The following SPIDR variants were observed in gnomAD, a reference collection of about 807,000 sequenced individuals.
The protein encoded by SPIDR is DNA repair-scaffolding protein.
In SPIDR, 93 loss-of-function variants were observed where a neutral mutation model predicts 104.6. That is an observed-to-expected ratio of 0.89 (90% CI 0.75 to 1.06). The LOEUF (loss-of-function observed/expected upper bound fraction) is 1.06. Among genes scored for constraint, SPIDR ranks in the 50% least tolerant of loss-of-function variants. The probability of loss-of-function intolerance (pLI) is 0.00; values close to 1 mark genes in which losing one functional copy is unlikely to be tolerated. For missense variants in SPIDR, 1,154 were observed against 1,111.2 expected (o/e 1.04, Z -0.55); for synonymous variants, 431 against 416.9 (o/e 1.03, Z -0.41).
intron 7 of SPIDR, among the ~76,000 whole-genome samples, chr8:47,409,562 C>A (rs545740731): frequency 1.3e-5 from 2 of 152,150 alleles, no homozygotes; most frequent in African/African-American, 4.8e-5. Flanking sequence ...TAATAGGTTC[C>A]CAGGTGGTTT....
intron 8 of SPIDR, among the ~76,000 whole-genome samples, chr8:47,491,181 T>C (rs1741100660): frequency 6.6e-6 from 1 of 152,030 alleles, no homozygotes; most frequent in Admixed American, 6.6e-5. Context: ...CATAAATGGG[T>C]CGTTTAAGTT....
At chr8:47,674,577 T>A (rs2154472803) in intron 11 of SPIDR, among the ~76,000 whole-genome samples, 1 of 152,358 alleles carries the variant, frequency 6.6e-6, no homozygotes, top group East Asian at 1.9e-4. Context: ...AATCTTCTTG[T>A]TACATCTCTT....
chr8:47,623,101 A>C (rs2065412349), intron 10 of SPIDR, among the ~76,000 whole-genome samples: 2 of 152,216 alleles, frequency 1.3e-5, no homozygotes, highest in Admixed American at 1.3e-4. Flanking sequence ...AATTAAAATG[A>C]GGATCATCTC....
chr8:47,605,985 A>G lies in SPIDR; in HGVS notation c.1544+6789A>G, dbSNP rs554959170. Among the ~76,000 whole-genome samples the G allele has an allele frequency of 2.2e-3, 342 of 152,096 alleles. 2 individuals are homozygous for G. The highest frequency in any genetic ancestry group is 8.0e-3 in the African/African-American group (334 of 41,506). ...GATTTTTATTTCTATGCTTTTGGCC[A>G]CCTCATTCCCCACCTCTACCCCTAG... On this transcript the variant is annotated intron_variant, in intron 10 of 19. Coordinates refer to ENST00000297423, the MANE Select transcript of SPIDR (RefSeq NM_001080394.4).
intron 7 of SPIDR, among the ~76,000 whole-genome samples, chr8:47,435,992 A>C (rs2154341425): frequency 6.6e-6 from 1 of 152,324 alleles, no homozygotes; most frequent in Non-Finnish European, 1.5e-5. Flanking sequence ...TCTGCCACAA[A>C]GGGAGATTAA....
chr8:47,285,037 A>T (rs1476247881), intron 3 of SPIDR, among the ~76,000 whole-genome samples: 1 of 152,204 alleles, frequency 6.6e-6, no homozygotes. Flanking sequence ...AAACATTCGC[A>T]GTCTGTTTTG....
intron 2 of SPIDR, 106 bp downstream of exon 2, chr8:47,280,123 G>A (rs2037420017): frequency 1.7e-6 from 2 of 1,192,072 alleles, no homozygotes; most frequent in Non-Finnish European, 2.4e-6. Context: ...TATTCTTTCA[G>A]AACACTGTAA....
intron 8 of SPIDR, among the ~76,000 whole-genome samples, chr8:47,562,954 T>G (rs1483543211): frequency 2.0e-5 from 3 of 152,100 alleles, no homozygotes; most frequent in African/African-American, 4.8e-5. Context: ...TCTGTTTTGA[T>G]GTATGACAAT....
chr8:47,582,772 G>A (rs770899596), intron 8 of SPIDR, among the ~76,000 whole-genome samples: 1 of 150,344 alleles, frequency 6.7e-6, no homozygotes, highest in African/African-American at 2.4e-5. Flanking sequence ...GAGGCTGAAG[G>A]GTCACTTGTT....
rs71225675 is a variant in SPIDR at position 47,307,533 on chromosome 8, G to GTTTT, written c.525+13523_525+13526dup. On this transcript the variant is annotated intron_variant, in intron 5 of 19. Coordinates refer to ENST00000297423, the MANE Select transcript of SPIDR (RefSeq NM_001080394.4). ...CGCACCCAGCCTCTTTTCTCATTTC[G>GTTTT]TTTTTTTTTTTTTTTTTTTTTTTGA... is the stretch of plus-strand genomic sequence containing the variant. 6.8e-4 allele frequency among the ~76,000 whole-genome samples: 49 copies of GTTTT among 72,136 alleles called. 1 individual carries two copies. Among genetic ancestry groups the GTTTT allele is most frequent in the Non-Finnish European group, 8.9e-4 (35 of 39,362 alleles). The allele number at this position is 72,136 out of a possible 152,430, so 47.3% of individuals were successfully genotyped here. A position where few individuals can be genotyped will look rare whatever the true frequency, so the allele number is the denominator to read the frequency against.
intron 5 of SPIDR, among the ~76,000 whole-genome samples, chr8:47,316,270 C>T (rs1162798189): frequency 3.3e-5 from 5 of 152,246 alleles, no homozygotes; most frequent in East Asian, 1.9e-4. Context: ...TTACTTGTCC[C>T]ATTAGCTTAA....
chr8:47,665,980 G>A (rs902646826), intron 10 of SPIDR, among the ~76,000 whole-genome samples: 1 of 152,018 alleles, frequency 6.6e-6, no homozygotes, highest in Admixed American at 6.5e-5. Context: ...TAAATTGAAG[G>A]CTATTTGAAA....
At chr8:47,371,434 T>C (rs1587837092) in intron 5 of SPIDR, among the ~76,000 whole-genome samples, 2 of 152,090 alleles carry the variant, frequency 1.3e-5, no homozygotes, top group Admixed American at 1.3e-4. Context: ...ATTTCTCAGT[T>C]TTAGGGGCTG....
rs189688964 is a variant in SPIDR, at chr8:47,313,552, G to T, written c.525+19522G>T. ...ACCAATGACTCTCTTCACAGAATTG[G>T]AAAAAACTACTTTAAAGTTCATATG... On this transcript the variant is annotated intron_variant, in intron 5 of 19. Coordinates refer to ENST00000297423, the MANE Select transcript of SPIDR (RefSeq NM_001080394.4). 1.4e-4 allele frequency among the ~76,000 whole-genome samples: 21 copies of T among 152,254 alleles called. No individual in the cohort carries two copies. In the East Asian group the frequency reaches 3.5e-3, roughly 25 times the overall value.
intron 16 of SPIDR, among the ~76,000 whole-genome samples, chr8:47,723,900 A>C (rs1340432131): frequency 6.7e-6 from 1 of 148,946 alleles, no homozygotes; most frequent in Non-Finnish European, 1.5e-5. Context: ...CCCTTGTAAC[A>C]CTCCTGTTAT....
chr8:47,685,712 G>A (rs1205856842), intron 11 of SPIDR, among the ~76,000 whole-genome samples: 1 of 151,546 alleles, frequency 6.6e-6, no homozygotes, highest in African/African-American at 2.4e-5. Context: ...ACACCACCAT[G>A]CCCAGCTAAT....
At chr8:47,284,654 T>A (rs2038467659) in intron 3 of SPIDR, among the ~76,000 whole-genome samples, 1 of 152,184 alleles carries the variant, frequency 6.6e-6, no homozygotes, top group Admixed American at 6.5e-5. Flanking sequence ...GTTCTCATGG[T>A]CAGGAGGTGT....
At chr8:47,558,947 C>T (rs1009524753) in intron 8 of SPIDR, among the ~76,000 whole-genome samples, 3 of 152,126 alleles carry the variant, frequency 2.0e-5, no homozygotes, top group Non-Finnish European at 4.4e-5. Context: ...CCAGCTTCAC[C>T]GTTTTTTAAA....
intron 10 of SPIDR, among the ~76,000 whole-genome samples, chr8:47,611,225 T>C (rs2063560378): frequency 1.3e-5 from 2 of 152,196 alleles, no homozygotes; most frequent in African/African-American, 4.8e-5. Context: ...CCAGGAATAC[T>C]CTGCTTTGGG....
Sources: gnomAD v4.1 joint callset for allele counts (sites outside exome capture counted in the v4.1 genomes callset) on GRCh38, gnomAD v4.1.1 for gene constraint, MANE v1.5 for transcripts, NCBI Gene and HGNC (gene_info 2026-07-23, HGNC 2026-07-21) for gene names.